The following FAF1 variants were observed in gnomAD, a reference collection of about 807,000 sequenced individuals.
The protein encoded by FAF1 is Fas associated factor 1, also known as FAS-associated factor 1.
In FAF1, 25 loss-of-function variants were observed where a neutral mutation model predicts 92.5. That is an observed-to-expected ratio of 0.27 (90% CI 0.20 to 0.38). FAF1 has a LOEUF of 0.38. FAF1 is among the 10% of genes least tolerant of loss of function. The pLI, the probability that FAF1 is intolerant of heterozygous loss-of-function variation, is 1.00. For missense variants in FAF1, 636 were observed against 793.3 expected, an observed-to-expected ratio of 0.80 and a Z score of 2.38; for synonymous variants, 234 against 273.2, an observed-to-expected ratio of 0.86 and a Z score of 1.42.
chr1:50,813,462 T>TA (rs1008765492), intron 2 of FAF1, among the ~76,000 whole-genome samples: 1 of 152,122 alleles, frequency 6.6e-6, no homozygotes, highest in Non-Finnish European at 1.5e-5. Context: ...GCTTTCCTTT[T>TA]AAAAAAATTT....
Position 50,583,750 on chromosome 1 carries a change from AAAAC to A in FAF1, c.968-39_968-36del. The A allele has an allele frequency of 2.1e-6, 3 of 1,432,234 alleles. No homozygotes were observed. The highest frequency in any genetic ancestry group is 2.3e-5 in the East Asian group (1 of 43,562). 88.7% of individuals were successfully genotyped at this position (1,432,234 alleles called of 1,614,324 possible). A position where few individuals can be genotyped will look rare whatever the true frequency, so the allele number is the denominator to read the frequency against. Reference sequence around the variant, plus strand: ...AAACAAAAGAAAAAACAAAAACAAAAAAACAAAACAAATAGACACAAAAACAAAC... The same window carrying A: ...AAACAAAAGAAAAAACAAAAACAAAAAAAACAAATAGACACAAAAACAAAC... On this transcript the variant is annotated intron_variant, in intron 10 of 18. Coordinates refer to ENST00000396153, the MANE Select transcript of FAF1 (RefSeq NM_007051.3). This position sits in a 1 kb window ranked among gnomAD's most constrained non-coding sequence, Gnocchi z 4.2.
chr1:50,454,285 C>T (rs773425683), intron 18 of FAF1, among the ~76,000 whole-genome samples: 25 of 152,196 alleles, frequency 1.6e-4, no homozygotes, highest in Non-Finnish European at 3.4e-4. Context: ...TGTGCTTTTC[C>T]TCCCTGAACC....
intron 4 of FAF1, among the ~76,000 whole-genome samples, chr1:50,763,851 A>G (rs187167739): frequency 2.0e-5 from 3 of 152,352 alleles, no homozygotes; most frequent in African/African-American, 7.2e-5. Context: ...TTTACATTGC[A>G]ATAAACTTTT....
At chr1:50,858,795 C>A (rs1274778922) in intron 1 of FAF1, among the ~76,000 whole-genome samples, 1 of 151,624 alleles carries the variant, frequency 6.6e-6, no homozygotes, top group Non-Finnish European at 1.5e-5. Context: ...CCAAACTAAG[C>A]AAATATTAAC....
intron 6 of FAF1, among the ~76,000 whole-genome samples, chr1:50,737,825 A>C (rs536253925): frequency 2.0e-5 from 3 of 152,298 alleles, no homozygotes; most frequent in East Asian, 3.9e-4. Flanking sequence ...AAAGCTTGAC[A>C]ATGTTCAAAA....
At position 50,537,365 on chromosome 1, in the gene FAF1, A is replaced by C. The variant is rs1285648304; in HGVS notation, c.1406-1908T>G. Among the ~76,000 whole-genome samples, 2 of 152,194 alleles carry C rather than the reference A, an allele frequency of 1.3e-5. 1 individual carries two copies. The highest frequency in any genetic ancestry group is 4.8e-5 in the African/African-American group (2 of 41,452). ...TACATATTTAAGCCCTTATTGATCA[A>C]AGACAGAGAAAAAGTATACCAGTTA... On this transcript the variant is annotated intron_variant, in intron 14 of 18. Coordinates refer to ENST00000396153, the MANE Select transcript of FAF1 (RefSeq NM_007051.3).
chr1:50,846,433 G>C (rs1570043704), intron 2 of FAF1: 4 of 399,160 alleles, frequency 1.0e-5, no homozygotes, highest in South Asian at 5.8e-5. Flanking sequence ...CTGGGAACCA[G>C]CTCGCTTCCG....
intron 8 of FAF1, among the ~76,000 whole-genome samples, chr1:50,640,233 C>T (rs545216784): frequency 6.6e-6 from 1 of 151,174 alleles, no homozygotes; most frequent in South Asian, 2.1e-4. Context: ...ATTAGTTTAC[C>T]TTAAATATCT....
At chr1:50,870,573 G>C (rs963933800) in intron 1 of FAF1, among the ~76,000 whole-genome samples, 1 of 152,198 alleles carries the variant, frequency 6.6e-6, no homozygotes, top group Non-Finnish European at 1.5e-5. Flanking sequence ...TCACATTTTG[G>C]TAATTCTTGC....
intron 2 of FAF1, among the ~76,000 whole-genome samples, chr1:50,834,945 T>C (rs1644186992): frequency 6.6e-6 from 1 of 152,198 alleles, no homozygotes; most frequent in Non-Finnish European, 1.5e-5. Flanking sequence ...AGGAACTTAC[T>C]CTTTGGAGTC....
At chr1:50,867,640 A>G (rs541287697) in intron 1 of FAF1, among the ~76,000 whole-genome samples, 10 of 152,288 alleles carry the variant, frequency 6.6e-5, no homozygotes, top group African/African-American at 2.2e-4. Flanking sequence ...ATACCACTTT[A>G]CTCTTGCAAG....
intron 2 of FAF1, among the ~76,000 whole-genome samples, chr1:50,845,455 G>A (rs1408003920): frequency 6.6e-6 from 1 of 152,086 alleles, no homozygotes; most frequent in Non-Finnish European, 1.5e-5. Flanking sequence ...GCCTGCCTGT[G>A]GTTAGAGGGT....
At chr1:50,841,564 C>A (rs1030778704) in intron 2 of FAF1, among the ~76,000 whole-genome samples, 1 of 151,740 alleles carries the variant, frequency 6.6e-6, no homozygotes, top group East Asian at 1.9e-4. Flanking sequence ...ACAGGATAAA[C>A]CAAGCTTTTT....
At chr1:50,707,202 CAAAA>C (rs397862445) in intron 6 of FAF1, among the ~76,000 whole-genome samples, 7 of 106,874 alleles carry the variant, frequency 6.5e-5, no homozygotes, top group Admixed American at 1.1e-4. Context: ...GACTCTGTGT[CAAAA>C]AAAAAAAAAA....
At chr1:50,710,435 T>C (rs939271555) in intron 6 of FAF1, among the ~76,000 whole-genome samples, 4 of 152,214 alleles carry the variant, frequency 2.6e-5, no homozygotes, top group African/African-American at 4.8e-5. Context: ...TTGCTAGTTC[T>C]TTGACCTCGA....
intron 2 of FAF1, among the ~76,000 whole-genome samples, chr1:50,825,377 A>T (rs1305369662): frequency 3.9e-5 from 6 of 152,088 alleles, no homozygotes; most frequent in African/African-American, 1.4e-4. Context: ...TTTTGTATCT[A>T]CTAACTATGC....
intron 2 of FAF1, among the ~76,000 whole-genome samples, chr1:50,846,099 C>A (rs1644296600): frequency 6.6e-6 from 1 of 151,880 alleles, no homozygotes; most frequent in South Asian, 2.1e-4. Context: ...TGCATTCCAG[C>A]CTGGGCAACA....
intron 7 of FAF1, among the ~76,000 whole-genome samples, chr1:50,678,356 A>G (rs1011684092): frequency 6.6e-5 from 10 of 152,208 alleles, no homozygotes; most frequent in African/African-American, 2.2e-4. Flanking sequence ...TTTTGAATGA[A>G]AAGTGGTTAT....
Position 50,811,981 on chromosome 1 carries a change from T to C in FAF1, c.115-10304A>G, listed in dbSNP as rs189897894. Among the ~76,000 whole-genome samples, 141 of 152,266 alleles carry C rather than the reference T, an allele frequency of 9.3e-4. No homozygotes were observed. In the Middle Eastern group the frequency reaches 0.01, roughly 11 times the overall value. ...AATGGGGAAAGGACTCCCTGTTCAA[T>C]AAATGGTGTTGGGGTAGCTGGTTAG... is the stretch of plus-strand genomic sequence containing the variant. On this transcript the variant is annotated intron_variant, in intron 2 of 18. Coordinates refer to ENST00000396153, the MANE Select transcript of FAF1 (RefSeq NM_007051.3).
Sources: gnomAD v4.1 joint callset for allele counts (sites outside exome capture counted in the v4.1 genomes callset) on GRCh38, gnomAD v4.1.1 for gene constraint, Gnocchi (gnomAD v3.1) non-coding constraint, MANE v1.5 for transcripts, NCBI Gene and HGNC (gene_info 2026-07-23, HGNC 2026-07-21) for gene names.